The following PRSS23 variants were observed in gnomAD, a reference collection of about 807,000 sequenced individuals.
PRSS23 encodes serine protease 23, also known as protease, serine 23.
A neutral mutation model predicts 34.7 loss-of-function variants in PRSS23; 25 were observed. That is an observed-to-expected ratio of 0.72 (90% CI 0.53 to 1.01). The LOEUF (loss-of-function observed/expected upper bound fraction) is 1.01, where lower values mean the gene tolerates loss of function less well. PRSS23 is among the 50% of genes least tolerant of loss of function. The probability of loss-of-function intolerance (pLI) is 0.00; values close to 1 mark genes in which losing one functional copy is unlikely to be tolerated. For missense variants in PRSS23, 445 were observed against 475.6 expected (o/e 0.94, Z 0.60); for synonymous variants, 176 against 186.6 (o/e 0.94, Z 0.46).
At chr11:86,831,565 C>G (rs1268002118) in intron 2 of PRSS23, among the ~76,000 whole-genome samples, 7 of 151,796 alleles carry the variant, frequency 4.6e-5, no homozygotes, top group Non-Finnish European at 2.9e-5. Context: ...CACCGGGGCT[C>G]TACACCCTGT....
chr11:86,802,852 A>G (rs1271751429), intron 1 of PRSS23, among the ~76,000 whole-genome samples: 2 of 152,212 alleles, frequency 1.3e-5, no homozygotes, highest in Admixed American at 1.3e-4. Flanking sequence ...TGTTGTTTGC[A>G]TATCTGTTAA....
intron 2 of PRSS23, among the ~76,000 whole-genome samples, chr11:86,900,144 C>T (rs1181707893): frequency 6.6e-6 from 1 of 152,208 alleles, no homozygotes; most frequent in Admixed American, 6.5e-5. Flanking sequence ...GTGTTCTTTT[C>T]ACTTAAGACT....
intron 2 of PRSS23, chr11:86,911,761 AGTGTGTGTGTGT>A (rs55775295): frequency 6.6e-6 from 1 of 151,220 alleles, no homozygotes; most frequent in Non-Finnish European, 1.5e-5. Flanking sequence ...AACGAAGTGG[AGTGTGTGTGTGT>A]GTGTGTGTGT....
At chr11:86,848,911 C>T (rs1179354149) in intron 2 of PRSS23, among the ~76,000 whole-genome samples, 3 of 152,200 alleles carry the variant, frequency 2.0e-5, no homozygotes, top group Non-Finnish European at 4.4e-5. Flanking sequence ...GTGCGGTTTG[C>T]AAGGACACTT....
intron 2 of PRSS23, among the ~76,000 whole-genome samples, chr11:86,873,286 A>G (rs1443969252): frequency 9.8e-5 from 4 of 40,646 alleles, no homozygotes; most frequent in Admixed American, 2.7e-4. Flanking sequence ...ATATATATAC[A>G]TATATATATA....
At chr11:86,949,404 T>C (rs1269103105) in intron 2 of PRSS23, 1 of 148,476 alleles carries the variant, frequency 6.7e-6, no homozygotes, top group African/African-American at 2.5e-5. Context: ...CAAAGTGTGA[T>C]TGAAAAAAAA....
At chr11:86,888,126 ACAAAAC>A (rs774223096) in intron 2 of PRSS23, among the ~76,000 whole-genome samples, 2 of 145,440 alleles carry the variant, frequency 1.4e-5, no homozygotes, top group Admixed American at 1.4e-4. Context: ...TTAAAAAAAA[ACAAAAC>A]AAAACAAAAC....
At chr11:86,848,556 C>T (rs186512203) in intron 2 of PRSS23, among the ~76,000 whole-genome samples, 36 of 152,300 alleles carry the variant, frequency 2.4e-4, no homozygotes, top group African/African-American at 7.9e-4. Flanking sequence ...TCCCCTCAGC[C>T]TTTCTAGAAA....
chr11:86,896,141 G>C (rs1948873294), intron 2 of PRSS23, among the ~76,000 whole-genome samples: 1 of 152,012 alleles, frequency 6.6e-6, no homozygotes, highest in Admixed American at 6.5e-5. Flanking sequence ...TACCAATTAA[G>C]TTTGCACAGG....
intron 2 of PRSS23, among the ~76,000 whole-genome samples, chr11:86,874,546 C>A (rs1192254360): frequency 6.6e-6 from 1 of 152,196 alleles, no homozygotes; most frequent in Non-Finnish European, 1.5e-5. Context: ...TGAGGCACAG[C>A]CCCGTGGCCA....
At chr11:86,800,236 G>C (rs1948013045), upstream of PRSS23, 1 of 157,938 alleles carries the variant, frequency 6.3e-6, no homozygotes, top group African/African-American at 2.4e-5. Context: ...AAAGGGTGAC[G>C]GCGCGCGGGT....
intron 2 of PRSS23, among the ~76,000 whole-genome samples, chr11:86,874,549 C>A (rs114104612): frequency 6.6e-6 from 1 of 152,170 alleles, no homozygotes. Flanking sequence ...GGCACAGCCC[C>A]GTGGCCACTA....
chr11:86,821,745 G>A (rs757696520), intron 1 of PRSS23: 28 of 1,320,716 alleles, frequency 2.1e-5, no homozygotes, highest in Middle Eastern at 4.9e-4. Flanking sequence ...CAAAGTGTTC[G>A]TCAGGCCAAT....
At chr11:86,893,258 A>C (rs1479096391) in intron 2 of PRSS23, among the ~76,000 whole-genome samples, 1 of 152,252 alleles carries the variant, frequency 6.6e-6, no homozygotes, top group African/African-American at 2.4e-5. Flanking sequence ...GGCCTCCAGA[A>C]GTATGAGAGA....
At chr11:86,894,078 A>G (rs1590917123) in intron 2 of PRSS23, among the ~76,000 whole-genome samples, 1 of 152,322 alleles carries the variant, frequency 6.6e-6, no homozygotes, top group East Asian at 1.9e-4. Flanking sequence ...CAGTGGCACA[A>G]TCTTGGCTCA....
intron 2 of PRSS23, among the ~76,000 whole-genome samples, chr11:86,841,944 C>G (rs1948451679): frequency 6.6e-6 from 1 of 152,206 alleles, no homozygotes; most frequent in African/African-American, 2.4e-5. Flanking sequence ...AGACCAGGAT[C>G]ATCCTGATAC....
At chr11:86,876,259 G>A (rs1165843098) in intron 2 of PRSS23, among the ~76,000 whole-genome samples, 1 of 152,080 alleles carries the variant, frequency 6.6e-6, no homozygotes, top group African/African-American at 2.4e-5. Context: ...AAACTGCAGG[G>A]GACACAGGGA....
At chr11:86,909,971 ACT>A (rs1396370925) in intron 2 of PRSS23, 2 of 152,116 alleles carry the variant, frequency 1.3e-5, no homozygotes, top group African/African-American at 4.8e-5. Flanking sequence ...ACTCATCAAC[ACT>A]CTTTTCAAAA....
chr11:86,859,313 G>C (rs539417545), intron 2 of PRSS23, among the ~76,000 whole-genome samples: 2 of 152,082 alleles, frequency 1.3e-5, no homozygotes, highest in South Asian at 4.2e-4. Context: ...ACCGCAGAGG[G>C]TGTACACACT....
Sources: gnomAD v4.1 joint callset for allele counts (sites outside exome capture counted in the v4.1 genomes callset) on GRCh38, gnomAD v4.1.1 for gene constraint, MANE v1.5 for transcripts, NCBI Gene and HGNC (gene_info 2026-07-23, HGNC 2026-07-21) for gene names.